SYNDIG1L: variants seen among roughly 807,000 people sequenced by gnomAD.
SYNDIG1L encodes synapse differentiation-inducing gene protein 1-like.
Under a neutral mutation model 20.1 loss-of-function variants are expected in SYNDIG1L, and 13 were observed. The ratio of observed to expected loss-of-function variants is 0.65; its 90% CI spans 0.42 to 1.03. The LOEUF is 1.03. Among genes scored for constraint, SYNDIG1L ranks in the 50% least tolerant of loss-of-function variants. The pLI is 0.00. For missense variants in SYNDIG1L, 294 were observed against 305.1 expected, an observed-to-expected ratio of 0.96 and a Z score of 0.27; for synonymous variants, 128 against 129.3, an observed-to-expected ratio of 0.99 and a Z score of 0.07.
At position 74,409,526 on chromosome 14, in the gene SYNDIG1L, G is replaced by A. The variant is rs2086113174; in HGVS notation, c.219C>T (p.Leu73=). The A allele has an allele frequency of 1.3e-6, 2 of 1,594,432 alleles. No homozygotes were observed. Among genetic ancestry groups the A allele is most frequent in the Admixed American group, 1.8e-5 (1 of 57,014 alleles). ...AVEAWYRPSC[L]LGRDKVKEPR... ...GCTCCTTGACCTTGTCTCTCCCCAG[G>A]AGGCAGCTGGGCCGGTACCAGGCCT... Residue 73 remains leucine (L), a synonymous_variant, in exon 2 of 4, where the codon CTC becomes CTT. Coordinates refer to ENST00000331628, the MANE Select transcript of SYNDIG1L (RefSeq NM_001105579.2).
At chr14:74,416,790 A>C (rs775141287) in intron 1 of SYNDIG1L, among the ~76,000 whole-genome samples, 1 of 152,250 alleles carries the variant, frequency 6.6e-6, no homozygotes. Context: ...GTGCTTACTA[A>C]GTTCTTACTG....
At chr14:74,424,866 C>T (rs1037888551) in intron 1 of SYNDIG1L, among the ~76,000 whole-genome samples, 7 of 152,076 alleles carry the variant, frequency 4.6e-5, no homozygotes, top group Admixed American at 1.3e-4. Flanking sequence ...GTGAGCAGAG[C>T]GGTGACCTTA....
the SYNDIG1L span, among the ~76,000 whole-genome samples, chr14:74,473,509 G>A: frequency 6.6e-6 from 1 of 152,172 alleles, no homozygotes; most frequent in Non-Finnish European, 1.5e-5. Flanking sequence ...CACTTTCTAA[G>A]CAGAGGCCTG....
intron 1 of SYNDIG1L, among the ~76,000 whole-genome samples, chr14:74,423,950 G>A (rs760369495): frequency 6.6e-6 from 1 of 152,140 alleles, no homozygotes; most frequent in African/African-American, 2.4e-5. Context: ...GCCCCTCTCA[G>A]TTCAGTCATT....
the SYNDIG1L span, chr14:74,474,668 G>C: frequency 1.3e-5 from 2 of 152,316 alleles, no homozygotes; most frequent in Non-Finnish European, 2.9e-5. Flanking sequence ...CTGGAGACAA[G>C]CTGGTGTCAA....
At chr14:74,431,914 G>A in the SYNDIG1L span, among the ~76,000 whole-genome samples, 7 of 152,216 alleles carry the variant, frequency 4.6e-5, no homozygotes, top group East Asian at 1.4e-3. Context: ...TTTTTCTCAT[G>A]TTCCTTTTGA....
the SYNDIG1L span, among the ~76,000 whole-genome samples, chr14:74,447,243 T>C: frequency 6.6e-6 from 1 of 151,854 alleles, no homozygotes; most frequent in African/African-American, 2.4e-5. Context: ...ATGAAAAAAG[T>C]TTAATTCACT....
the SYNDIG1L span, among the ~76,000 whole-genome samples, chr14:74,453,454 C>T: frequency 2.1e-5 from 3 of 140,246 alleles, no homozygotes; most frequent in South Asian, 4.5e-4. Context: ...AACAGGGGAA[C>T]AGGAAGGAGA....
chr14:74,419,322 G>T (rs1282024064), intron 1 of SYNDIG1L, among the ~76,000 whole-genome samples: 1 of 152,166 alleles, frequency 6.6e-6, no homozygotes, highest in Admixed American at 6.6e-5. Flanking sequence ...CTCCAGCGGG[G>T]TGGTAACGGT....
At chr14:74,461,570 T>C in the SYNDIG1L span, among the ~76,000 whole-genome samples, 2 of 152,102 alleles carry the variant, frequency 1.3e-5, no homozygotes, top group African/African-American at 4.8e-5. Context: ...CCTCATTCAA[T>C]TGATTTCCCA....
At chr14:74,474,620 C>G in the SYNDIG1L span, 1 of 152,380 alleles carries the variant, frequency 6.6e-6, no homozygotes, top group South Asian at 2.1e-4. Flanking sequence ...GGAGGAGGAG[C>G]CATTTCTGCC....
the SYNDIG1L span, among the ~76,000 whole-genome samples, chr14:74,446,647 C>T: frequency 1.4e-5 from 2 of 142,778 alleles, no homozygotes; most frequent in African/African-American, 5.2e-5. Context: ...GAGATGGAGT[C>T]TCATTCTTTC....
the SYNDIG1L span, among the ~76,000 whole-genome samples, chr14:74,461,386 G>A: frequency 1.8e-3 from 268 of 152,170 alleles, 1 homozygote; most frequent in South Asian, 0.011. Flanking sequence ...ATAACATCAC[G>A]AGAAAATAAG....
chr14:74,448,521 AACAG>A, the SYNDIG1L span, among the ~76,000 whole-genome samples: 1 of 152,186 alleles, frequency 6.6e-6, no homozygotes, highest in Non-Finnish European at 1.5e-5. Context: ...TGCAAGAAGA[AACAG>A]ACAGATTCAT....
the SYNDIG1L span, among the ~76,000 whole-genome samples, chr14:74,448,500 ACTGAT>A: frequency 6.6e-6 from 1 of 152,306 alleles, no homozygotes; most frequent in South Asian, 2.1e-4. Flanking sequence ...TAAAGGAAAA[ACTGAT>A]AGAATTGCAA....
upstream of SYNDIG1L, among the ~76,000 whole-genome samples, chr14:74,427,118 CTTTTTT>C (rs34437070): frequency 1.7e-5 from 2 of 116,808 alleles, no homozygotes; most frequent in African/African-American, 3.5e-5. Context: ...CCTGCGTTTC[CTTTTTT>C]TTTTTTTTTT....
Position 74,407,910 on chromosome 14 carries a change from A to G in SYNDIG1L, c.497T>C (p.Leu166Pro). Reference protein sequence around the residue: ...LPPRDHLGLTLFSMLCCFWPL... With the variant: ...LPPRDHLGLTPFSMLCCFWPL... ...CCAGAAGCAGCAGAGCATGGAGAAG[A>G]GAGTAAGTCCCAGGTGGTCCCTGGG... The change falls in exon 3 of 4, where the codon CTC becomes CCC. Residue 166 changes from leucine to proline, a missense_variant. Coordinates refer to ENST00000331628, the MANE Select transcript of SYNDIG1L (RefSeq NM_001105579.2). The G allele has an allele frequency of 1.2e-6, 2 of 1,613,790 alleles. No individual in the cohort carries two copies. The highest frequency in any genetic ancestry group is 1.7e-6 in the Non-Finnish European group (2 of 1,179,896).
At chr14:74,413,817 C>T (rs2086152877) in intron 1 of SYNDIG1L, among the ~76,000 whole-genome samples, 2 of 152,144 alleles carry the variant, frequency 1.3e-5, no homozygotes, top group African/African-American at 4.8e-5. Flanking sequence ...CACACCCACA[C>T]ACACCTCTTC....
chr14:74,429,346 G>A (rs1338466347), upstream of SYNDIG1L, among the ~76,000 whole-genome samples: 1 of 152,250 alleles, frequency 6.6e-6, no homozygotes, highest in Admixed American at 6.5e-5. Context: ...AGAGGGTTCT[G>A]TTTTAGTTGG....
Sources: allele counts gnomAD v4.1 joint callset (sites outside exome capture counted in the v4.1 genomes callset), GRCh38; gene constraint gnomAD v4.1.1; transcripts MANE v1.5; gene names NCBI Gene and HGNC (gene_info 2026-07-23, HGNC 2026-07-21).